The following RANBP17 variants were observed in gnomAD, a reference collection of about 807,000 sequenced individuals.
The protein encoded by RANBP17 is RAN binding protein 17.
Under a neutral mutation model 141.2 loss-of-function variants are expected in RANBP17, and 158 were observed. That is an observed-to-expected ratio of 1.12 (90% CI 0.98 to 1.28). The LOEUF (loss-of-function observed/expected upper bound fraction) is 1.28. Ranked by LOEUF, RANBP17 falls within the 50% of genes most tolerant of loss-of-function variation. The pLI, the probability that RANBP17 is intolerant of heterozygous loss-of-function variation, is 0.00. For synonymous variants in RANBP17, 430 were observed against 450.0 expected (o/e 0.96, Z 0.56); for missense variants, 1,438 against 1,290.7 (o/e 1.11, Z -1.75).
intron 16 of RANBP17, among the ~76,000 whole-genome samples, chr5:171,174,797 T>C (rs908706280): frequency 6.6e-6 from 1 of 150,746 alleles, no homozygotes; most frequent in Non-Finnish European, 1.5e-5. Flanking sequence ...TGTGTGTATT[T>C]TGAGGTCCTT....
chr5:170,991,358 T>C (rs145137649), intron 14 of RANBP17, among the ~76,000 whole-genome samples: 104 of 152,110 alleles, frequency 6.8e-4, no homozygotes, highest in African/African-American at 2.4e-3. Flanking sequence ...TGTTATTTGT[T>C]ATAATAAGAC....
At chr5:170,963,668 G>T (rs1387997528) in intron 13 of RANBP17, among the ~76,000 whole-genome samples, 1 of 152,204 alleles carries the variant, frequency 6.6e-6, no homozygotes, top group African/African-American at 2.4e-5. Flanking sequence ...ACTCCTGTGA[G>T]AATCTAGTGC....
intron 22 of RANBP17, among the ~76,000 whole-genome samples, chr5:171,235,595 T>TACAC (rs552892792): frequency 6.6e-6 from 1 of 151,592 alleles, no homozygotes; most frequent in Non-Finnish European, 1.5e-5. Context: ...GAAATTGATG[T>TACAC]ACACACACAC....
chr5:170,872,448 G>A (rs531393210), intron 1 of RANBP17, among the ~76,000 whole-genome samples: 2 of 152,122 alleles, frequency 1.3e-5, no homozygotes, highest in Admixed American at 1.3e-4. Flanking sequence ...GTAGGATCAT[G>A]TTGTCTGCAG....
intron 12 of RANBP17, among the ~76,000 whole-genome samples, chr5:170,930,376 T>A (rs1773258863): frequency 6.6e-6 from 1 of 151,520 alleles, no homozygotes; most frequent in East Asian, 1.9e-4. Flanking sequence ...TTATTATTAC[T>A]TTTTTCTAAT....
intron 12 of RANBP17, among the ~76,000 whole-genome samples, chr5:170,952,400 T>C (rs758472407): frequency 2.0e-5 from 3 of 152,050 alleles, no homozygotes; most frequent in Non-Finnish European, 4.4e-5. Context: ...TTTTGTTTTG[T>C]GAGAGAATAA....
chr5:171,228,373 A>T (rs952644113), intron 22 of RANBP17, among the ~76,000 whole-genome samples: 2 of 152,216 alleles, frequency 1.3e-5, no homozygotes, highest in African/African-American at 4.8e-5. Context: ...AGAGACCTAT[A>T]ATTAGAAGTG....
intron 23 of RANBP17, among the ~76,000 whole-genome samples, 176 bp downstream of exon 23, chr5:171,241,318 T>TA (rs1455193171): frequency 6.6e-6 from 1 of 151,406 alleles, no homozygotes; most frequent in Non-Finnish European, 1.5e-5. Flanking sequence ...TTTTTTTTTT[T>TA]AGCATCTCTG....
At chr5:170,891,276 A>G (rs1309439241) in intron 3 of RANBP17, among the ~76,000 whole-genome samples, 1 of 152,250 alleles carries the variant, frequency 6.6e-6, no homozygotes, top group Non-Finnish European at 1.5e-5. Flanking sequence ...TACAATAAAT[A>G]TGACACTTTA....
intron 13 of RANBP17, among the ~76,000 whole-genome samples, chr5:170,966,530 G>A (rs1371808867): frequency 6.6e-6 from 1 of 152,160 alleles, no homozygotes; most frequent in East Asian, 1.9e-4. Context: ...ATTAGGTATT[G>A]ATGGGACGTA....
intron 16 of RANBP17, among the ~76,000 whole-genome samples, chr5:171,179,809 A>G (rs1400302116): frequency 6.6e-6 from 1 of 152,084 alleles, no homozygotes; most frequent in African/African-American, 2.4e-5. Context: ...AATGGGGTAA[A>G]TACTCAGAAA....
intron 21 of RANBP17, among the ~76,000 whole-genome samples, chr5:171,220,342 C>T (rs1341779425): frequency 6.7e-6 from 1 of 149,462 alleles, no homozygotes; most frequent in South Asian, 2.1e-4. Flanking sequence ...TTAGGCTACT[C>T]GGGAGTCAGA....
chr5:171,140,746 C>G (rs991394602), intron 14 of RANBP17, among the ~76,000 whole-genome samples: 7 of 152,162 alleles, frequency 4.6e-5, no homozygotes, highest in African/African-American at 1.7e-4. Flanking sequence ...TCATAAACCT[C>G]TATGCTTTTG....
chr5:171,252,282 T>C (rs1004293772), intron 24 of RANBP17: 18 of 1,552,220 alleles, frequency 1.2e-5, no homozygotes, highest in Admixed American at 5.2e-5. Flanking sequence ...CTAATGGTAA[T>C]ATTAATAATG....
chr5:171,212,121 G>C (rs1185540088), intron 20 of RANBP17, among the ~76,000 whole-genome samples: 1 of 152,168 alleles, frequency 6.6e-6, no homozygotes, highest in Non-Finnish European at 1.5e-5. Flanking sequence ...GAGGTAGGAG[G>C]CAAGTGCATG....
rs542972040 is a variant in RANBP17, at chr5:170,964,783, A to G, written c.1575-3459A>G. On this transcript the variant is annotated intron_variant, in intron 13 of 27. Transcript: ENST00000523189. Reference sequence around the variant, plus strand: ...TGGTGTATATGTGCCACATTTTCTTAATCCAGTCTATCATTGTTGGACATT... The same window carrying G: ...TGGTGTATATGTGCCACATTTTCTTGATCCAGTCTATCATTGTTGGACATT... 3.3e-5 allele frequency among the ~76,000 whole-genome samples: 5 copies of G among 152,268 alleles called. No homozygotes were observed. The East Asian group carries it at 9.7e-4, about 29-fold the overall frequency.
At chr5:171,075,486 A>T (rs1206834662) in intron 14 of RANBP17, among the ~76,000 whole-genome samples, 1 of 152,242 alleles carries the variant, frequency 6.6e-6, no homozygotes, top group Non-Finnish European at 1.5e-5. Flanking sequence ...AAATGTCCAG[A>T]GTAGGCAATT....
At chr5:171,014,977 G>GT (rs1780332612) in intron 14 of RANBP17, among the ~76,000 whole-genome samples, 1 of 152,028 alleles carries the variant, frequency 6.6e-6, no homozygotes, top group Non-Finnish European at 1.5e-5. Flanking sequence ...CATTAAAGAA[G>GT]TTGTGTCATT....
chr5:171,097,328 T>G (rs1786765227), intron 14 of RANBP17, among the ~76,000 whole-genome samples: 1 of 152,100 alleles, frequency 6.6e-6, no homozygotes, highest in Non-Finnish European at 1.5e-5. Context: ...GAGTGCTTCT[T>G]ATGTATCAAA....
Sources: allele counts gnomAD v4.1 joint callset (sites outside exome capture counted in the v4.1 genomes callset), GRCh38; gene constraint gnomAD v4.1.1; transcripts MANE v1.5; gene names NCBI Gene and HGNC (gene_info 2026-07-23, HGNC 2026-07-21).